SYN3: variants seen among roughly 807,000 people sequenced by gnomAD.
SYN3 encodes the protein synapsin-3.
SYN3 carries 35 observed loss-of-function variants against 65.8 expected under a neutral mutation model. The observed-to-expected ratio is 0.53, with a 90% CI of 0.41 to 0.70. The LOEUF (loss-of-function observed/expected upper bound fraction) is 0.70, where lower values mean the gene tolerates loss of function less well. Ranked by LOEUF, SYN3 falls within the 30% of genes least tolerant of loss-of-function variation. SYN3 has a pLI of 0.00. For synonymous variants in SYN3, 270 were observed against 292.9 expected (o/e 0.92, Z 0.80); for missense variants, 680 against 749.0 (o/e 0.91, Z 1.08).
At chr22:32,609,476 GT>G (rs11303501) in intron 6 of SYN3, among the ~76,000 whole-genome samples, 43,564 of 138,752 alleles carry the variant, frequency 0.31, 6,546 homozygotes, top group South Asian at 0.41. Flanking sequence ...CCTGCCTGGT[GT>G]TTTTTTTTTT....
intron 6 of SYN3, among the ~76,000 whole-genome samples, chr22:32,729,572 G>C (rs1256971848): frequency 6.6e-6 from 1 of 152,226 alleles, no homozygotes; most frequent in Non-Finnish European, 1.5e-5. Context: ...GTATTAGTAA[G>C]AGTACTGATG....
chr22:33,037,545 A>G (rs775647170), intron 1 of SYN3, among the ~76,000 whole-genome samples: 1 of 152,338 alleles, frequency 6.6e-6, no homozygotes, highest in Non-Finnish European at 1.5e-5. Context: ...CATGCCAGGC[A>G]CTTGGCTAGG....
At chr22:32,639,357 C>T (rs191485767) in intron 6 of SYN3, among the ~76,000 whole-genome samples, 5 of 152,218 alleles carry the variant, frequency 3.3e-5, no homozygotes, top group Non-Finnish European at 5.9e-5. Context: ...TAAGGGAGTC[C>T]TTTCCCCATT....
intron 6 of SYN3, among the ~76,000 whole-genome samples, chr22:32,601,614 C>A (rs2059285273): frequency 6.6e-6 from 1 of 150,750 alleles, no homozygotes; most frequent in South Asian, 2.1e-4. Context: ...TGGGAAACAG[C>A]AATCTTTTTA....
At chr22:32,771,122 T>C (rs1043237078) in intron 6 of SYN3, among the ~76,000 whole-genome samples, 1 of 152,138 alleles carries the variant, frequency 6.6e-6, no homozygotes, top group Non-Finnish European at 1.5e-5. Context: ...TGTGTTCTCA[T>C]TGTTCAACTC....
At chr22:32,583,151 C>T (rs1024634687) in intron 7 of SYN3, 1 of 152,310 alleles carries the variant, frequency 6.6e-6, no homozygotes, top group Non-Finnish European at 1.5e-5. Flanking sequence ...TTTTAGAAAG[C>T]TGCTTCCCCT....
At chr22:32,994,283 C>G (rs1229675077) in intron 2 of SYN3, among the ~76,000 whole-genome samples, 1 of 152,110 alleles carries the variant, frequency 6.6e-6, no homozygotes, top group Non-Finnish European at 1.5e-5. Context: ...CTCCCTCCCC[C>G]AGACACCAGG....
At chr22:32,898,188 G>A (rs2049652645) in intron 4 of SYN3, among the ~76,000 whole-genome samples, 1 of 152,164 alleles carries the variant, frequency 6.6e-6, no homozygotes, top group Non-Finnish European at 1.5e-5. Context: ...TAGAGACGGA[G>A]TTTCACCATG....
chr22:32,882,662 T>C (rs2049173181), intron 4 of SYN3, among the ~76,000 whole-genome samples: 1 of 152,052 alleles, frequency 6.6e-6, no homozygotes, highest in Non-Finnish European at 1.5e-5. Flanking sequence ...CCTTAGTTTA[T>C]GAGTGTTTGC....
intron 6 of SYN3, among the ~76,000 whole-genome samples, chr22:32,668,359 C>A (rs908481047): frequency 3.4e-5 from 5 of 148,338 alleles, no homozygotes; most frequent in Admixed American, 3.3e-4. Flanking sequence ...CTCATTTCCA[C>A]CCCCCCTTCC....
chr22:32,526,482 T>G (rs549576550), intron 12 of SYN3, among the ~76,000 whole-genome samples: 1 of 152,034 alleles, frequency 6.6e-6, no homozygotes, highest in South Asian at 2.1e-4. Context: ...ATGATAGTAA[T>G]GCCTTCTTTC....
In SYN3 at chr22:32,935,100, T is replaced by C. The variant is rs543453273; in HGVS notation, c.370-3619A>G. Among the ~76,000 whole-genome samples the C allele has an allele frequency of 5.9e-5, 9 of 152,272 alleles. 1 individual carries two copies. In the South Asian group the frequency reaches 1.9e-3, roughly 32 times the overall value. ...ATTTCTGTTGTTTTAAGCCACTAAGTGTATGGTAATTGTGGAACCTAGCAA... is the reference window on the plus strand; with the variant it reads ...ATTTCTGTTGTTTTAAGCCACTAAGCGTATGGTAATTGTGGAACCTAGCAA... On this transcript the variant is annotated intron_variant, in intron 3 of 13. Coordinates refer to ENST00000358763, the MANE Select transcript of SYN3 (RefSeq NM_003490.4).
At chr22:32,948,605 CG>C (rs2051187096) in intron 3 of SYN3, among the ~76,000 whole-genome samples, 2 of 151,906 alleles carry the variant, frequency 1.3e-5, no homozygotes, top group Non-Finnish European at 2.9e-5. Flanking sequence ...GGCGTGGTGG[CG>C]GGTGCCTGTA....
At chr22:32,648,818 T>C (rs376697666) in intron 6 of SYN3, among the ~76,000 whole-genome samples, 1 of 152,208 alleles carries the variant, frequency 6.6e-6, no homozygotes, top group African/African-American at 2.4e-5. Context: ...ATGATTTTTG[T>C]TGTTGTCCAA....
chr22:32,863,831 C>T (rs1569285882), intron 6 of SYN3, among the ~76,000 whole-genome samples: 1 of 152,130 alleles, frequency 6.6e-6, no homozygotes, highest in Non-Finnish European at 1.5e-5. Flanking sequence ...AACTGGCATT[C>T]AAATTCAGGC....
At chr22:32,538,606 C>A (rs900067072) in intron 8 of SYN3, among the ~76,000 whole-genome samples, 23 of 152,274 alleles carry the variant, frequency 1.5e-4, no homozygotes, top group Admixed American at 1.4e-3. Flanking sequence ...TAACAACCGA[C>A]CTCCCTTCCG....
intron 6 of SYN3, among the ~76,000 whole-genome samples, chr22:32,736,818 T>C (rs1430252480): frequency 6.6e-6 from 1 of 152,176 alleles, no homozygotes; most frequent in Non-Finnish European, 1.5e-5. Flanking sequence ...ATTCCTAGCA[T>C]ATCATGTGAC....
chr22:32,971,286 C>T (rs2052011200), intron 3 of SYN3, among the ~76,000 whole-genome samples: 1 of 152,140 alleles, frequency 6.6e-6, no homozygotes, highest in African/African-American at 2.4e-5. Context: ...CCTAGTATTC[C>T]ACCTGCTTTT....
chr22:32,537,831 C>A (rs2058190534), intron 9 of SYN3, among the ~76,000 whole-genome samples: 1 of 152,198 alleles, frequency 6.6e-6, no homozygotes, highest in Non-Finnish European at 1.5e-5. Context: ...GTTTTCTTCT[C>A]CCATCTGTAA....
Sources: gnomAD v4.1 joint callset for allele counts (sites outside exome capture counted in the v4.1 genomes callset) on GRCh38, gnomAD v4.1.1 for gene constraint, MANE v1.5 for transcripts, NCBI Gene and HGNC (gene_info 2026-07-23, HGNC 2026-07-21) for gene names.